The following PAAF1 variants were observed in gnomAD, a reference collection of about 807,000 sequenced individuals.
PAAF1 encodes the protein proteasomal ATPase-associated factor 1.
In PAAF1, 46 loss-of-function variants were observed where a neutral mutation model predicts 52.8. That is an observed-to-expected ratio of 0.87 (90% CI 0.69 to 1.11). The LOEUF is 1.11. PAAF1 is among the 50% of genes most tolerant of loss of function. The pLI is 0.00. For synonymous variants in PAAF1, 178 were observed against 172.8 expected (o/e 1.03, Z -0.24); for missense variants, 424 against 477.4 (o/e 0.89, Z 1.04).
chr11:73,921,804 C>T (rs1950228114), intron 10 of PAAF1: 1 of 1,151,816 alleles, frequency 8.7e-7, no homozygotes, highest in Non-Finnish European at 1.3e-6. Context: ...AATAGGCCCT[C>T]ATCACTTCAT....
At chr11:73,882,197 G>T (rs1297084930) in intron 2 of PAAF1, among the ~76,000 whole-genome samples, 3 of 149,984 alleles carry the variant, frequency 2.0e-5, no homozygotes, top group African/African-American at 7.4e-5. Flanking sequence ...TGTATTTTTA[G>T]TAGAGATGGG....
chr11:73,890,816 C>T (rs1021809400), intron 3 of PAAF1, among the ~76,000 whole-genome samples: 1 of 152,186 alleles, frequency 6.6e-6, no homozygotes, highest in Admixed American at 6.5e-5. Flanking sequence ...AACGAATGCT[C>T]TAATGCTTAT....
chr11:73,898,206 GAGGGGA>G (rs1354873722), intron 4 of PAAF1, among the ~76,000 whole-genome samples: 5 of 140,954 alleles, frequency 3.5e-5, no homozygotes, highest in African/African-American at 1.0e-4. Flanking sequence ...GAGGGAGGGG[GAGGGGA>G]AGGGGGAGGG....
intron 6 of PAAF1, among the ~76,000 whole-genome samples, chr11:73,909,191 C>T (rs559444457): frequency 6.6e-6 from 1 of 152,320 alleles, no homozygotes; most frequent in African/African-American, 2.4e-5. Context: ...ACTTGTTTTT[C>T]CATGCCTGTC....
At chr11:73,880,193 A>G (rs948177540) in intron 2 of PAAF1, 1 of 151,820 alleles carries the variant, frequency 6.6e-6, no homozygotes, top group Non-Finnish European at 1.5e-5. Context: ...TGGACCTCCT[A>G]CCCTGGACAA....
At position 73,887,526 on chromosome 11, in the gene PAAF1, A is replaced by G. The variant is rs975096615; in HGVS notation, c.192+69A>G. Reference sequence around the variant, plus strand: ...GGTAGTACCCAAACATCTACCTTAGATATTTATACTATTATCTGTGTATCT... The same window carrying G: ...GGTAGTACCCAAACATCTACCTTAGGTATTTATACTATTATCTGTGTATCT... On this transcript the variant is annotated intron_variant, in intron 3 of 11. Transcript: ENST00000310571. The G allele has an allele frequency of 7.1e-6, 7 of 985,400 alleles. No homozygotes were observed. In the African/African-American group the frequency reaches 1.0e-4, roughly 14 times the overall value. 61.0% of individuals were successfully genotyped at this position (985,400 alleles called of 1,614,324 possible).
chr11:73,889,102 C>A (rs1469197684), intron 3 of PAAF1: 1 of 1,095,328 alleles, frequency 9.1e-7, no homozygotes, highest in Non-Finnish European at 1.3e-6. Flanking sequence ...CACTACCATG[C>A]AAGCCTACGT....
In PAAF1 at chr11:73,927,549, GA is replaced by G. The variant is rs1453000856; in HGVS notation, c.*189del. 9.9e-6 allele frequency: 6 copies of G among 606,416 alleles called. No homozygotes were observed. In the African/African-American group the frequency reaches 1.1e-4, roughly 11 times the overall value. The allele number at this position is 606,416 out of a possible 1,614,324, so 37.6% of individuals were successfully genotyped here. A position where few individuals can be genotyped will look rare whatever the true frequency, so the allele number is the denominator to read the frequency against. Reference sequence around the variant, plus strand: ...CCAAGACCTACTTTGAACTGAGTAAGAAGGTCATTGTGCCCACTGCATTTGT... The same window carrying G: ...CCAAGACCTACTTTGAACTGAGTAAGAGGTCATTGTGCCCACTGCATTTGT... On this transcript the variant is annotated 3_prime_UTR_variant, in exon 12 of 12. Coordinates refer to ENST00000310571, the MANE Select transcript of PAAF1 (RefSeq NM_025155.3).
At chr11:73,916,298 A>G (rs1184628005) in intron 8 of PAAF1, among the ~76,000 whole-genome samples, 1 of 145,492 alleles carries the variant, frequency 6.9e-6, no homozygotes, top group Non-Finnish European at 1.5e-5. Context: ...TAGTAGTTGG[A>G]AAACTGCTAC....
intron 2 of PAAF1, among the ~76,000 whole-genome samples, chr11:73,883,390 C>T (rs958684868): frequency 6.6e-6 from 1 of 152,218 alleles, no homozygotes; most frequent in African/African-American, 2.4e-5. Flanking sequence ...ACTTTCCACC[C>T]CCCAATCCTA....
intron 9 of PAAF1, among the ~76,000 whole-genome samples, chr11:73,916,989 T>G (rs1950083795): frequency 6.6e-6 from 1 of 152,184 alleles, no homozygotes. Context: ...AGACCCTGGC[T>G]ACCCTAAGAT....
intron 9 of PAAF1, among the ~76,000 whole-genome samples, chr11:73,918,679 G>A (rs976680779): frequency 1.3e-5 from 2 of 151,822 alleles, no homozygotes; most frequent in Non-Finnish European, 2.9e-5. Context: ...TTAACATACT[G>A]CTAATATTGT....
chr11:73,909,779 T>C (rs1398541346), intron 7 of PAAF1, among the ~76,000 whole-genome samples, 186 bp downstream of exon 7: 2 of 152,206 alleles, frequency 1.3e-5, no homozygotes, highest in Non-Finnish European at 2.9e-5. Context: ...AAAGGAAGTA[T>C]ATGTCATAGC....
At position 73,891,175 on chromosome 11, in the gene PAAF1, A is replaced by G. The variant is rs940330259; in HGVS notation, c.256A>G (p.Thr86Ala). The change falls in exon 4 of 12, where the codon ACT becomes GCT. Residue 86 changes from threonine (T) to alanine (A), a missense_variant. By Grantham distance (58) the Thr-to-Ala change is moderately conservative. Coordinates refer to ENST00000310571, the MANE Select transcript of PAAF1 (RefSeq NM_025155.3). ...ASSKFLAPYT[T>A]FSRIHTKSIT... Reference sequence around the variant, plus strand: ...TTCTAAGTTTTTGGCACCATATACTACTTTTTCCAGAATTCATACAAAGAG... The same window carrying G: ...TTCTAAGTTTTTGGCACCATATACTGCTTTTTCCAGAATTCATACAAAGAG... 4.4e-6 allele frequency: 7 copies of G among 1,585,866 alleles called. No homozygotes were observed. The highest frequency in any genetic ancestry group is 4.3e-6 in the Non-Finnish European group (5 of 1,156,072).
intron 9 of PAAF1, among the ~76,000 whole-genome samples, chr11:73,918,352 ATTTTTTTTTTTTTT>A (rs1157984685): frequency 1.7e-4 from 12 of 71,734 alleles, no homozygotes; most frequent in Admixed American, 1.0e-3. Context: ...CAGTTACTTA[ATTTTTTTTTTTTTT>A]TTTTTTTTTT....
chr11:73,906,393 C>T (rs1365519819), intron 6 of PAAF1, among the ~76,000 whole-genome samples: 2 of 152,154 alleles, frequency 1.3e-5, no homozygotes, highest in African/African-American at 2.4e-5. Context: ...GCTGGGATTA[C>T]AGGCACCTGC....
chr11:73,886,975 C>A, intron 2 of PAAF1: 1 of 434,324 alleles, frequency 2.3e-6, no homozygotes, highest in Non-Finnish European at 4.6e-6. Context: ...CTCTTACTTC[C>A]TCTCTCACCA....
At chr11:73,921,601 T>G in intron 10 of PAAF1, 1 of 642,138 alleles carries the variant, frequency 1.6e-6, no homozygotes, top group Admixed American at 1.9e-5. Context: ...GATTCGTATA[T>G]CTTGCTGGAA....
At chr11:73,908,375 A>G (rs184585489) in intron 6 of PAAF1, among the ~76,000 whole-genome samples, 102 of 130,018 alleles carry the variant, frequency 7.8e-4, no homozygotes, top group Middle Eastern at 3.9e-3. Context: ...ATATATATGT[A>G]TATATATGTG....
Sources: gnomAD v4.1 joint callset for allele counts (sites outside exome capture counted in the v4.1 genomes callset) on GRCh38, gnomAD v4.1.1 for gene constraint, MANE v1.5 for transcripts, NCBI Gene and HGNC (gene_info 2026-07-23, HGNC 2026-07-21) for gene names.